The following DECR1 variants were observed in gnomAD, a reference collection of about 807,000 sequenced individuals.
DECR1 encodes 2,4-dienoyl-CoA reductase 1.
Under a neutral mutation model 38.8 loss-of-function variants are expected in DECR1, and 44 were observed. That is an observed-to-expected ratio of 1.13 (90% CI 0.89 to 1.46). DECR1 has a LOEUF of 1.46. Ranked by LOEUF, DECR1 falls within the 40% of genes most tolerant of loss-of-function variation. The pLI, the probability that DECR1 is intolerant of heterozygous loss-of-function variation, is 0.00. For synonymous variants in DECR1, 148 were observed against 135.2 expected, an observed-to-expected ratio of 1.09 and a Z score of -0.66; for missense variants, 428 against 405.5, an observed-to-expected ratio of 1.06 and a Z score of -0.48.
intron 5 of DECR1, among the ~76,000 whole-genome samples, chr8:90,030,777 T>C (rs1813475798): frequency 6.6e-6 from 1 of 152,142 alleles, no homozygotes. Context: ...AGAGATTTTG[T>C]TTTTTTCTAG....
At chr8:90,037,066 G>A in intron 6 of DECR1, 126 bp downstream of exon 6, 1 of 649,574 alleles carries the variant, frequency 1.5e-6, no homozygotes, top group Non-Finnish European at 2.7e-6. Flanking sequence ...TTCACCATGA[G>A]ACATACATTT....
At chr8:90,039,528 T>C (rs1444814798) in intron 6 of DECR1, among the ~76,000 whole-genome samples, 1 of 152,182 alleles carries the variant, frequency 6.6e-6, no homozygotes, top group Non-Finnish European at 1.5e-5. Context: ...ACCCTTGACA[T>C]GTGGGGATTA....
intron 1 of DECR1, among the ~76,000 whole-genome samples, chr8:90,006,990 G>A (rs969532300): frequency 2.0e-5 from 3 of 152,114 alleles, no homozygotes. Flanking sequence ...ATGTCAGTAG[G>A]GTCTGGGACT....
At position 90,005,521 on chromosome 8, in the gene DECR1, A is replaced by G. The variant is rs531932056; in HGVS notation, c.69+3960A>G. On this transcript the variant is annotated intron_variant, in intron 1 of 9. Coordinates refer to ENST00000220764, the MANE Select transcript of DECR1 (RefSeq NM_001359.2). ...TTTGTGAGAGGAAGCTGGGCCTATC[A>G]GCTGGATCTCCCGAAGTAGGCGGAC... is the stretch of plus-strand genomic sequence containing the variant. 191 of 440,834 alleles carry G rather than the reference A, an allele frequency of 4.3e-4. 2 individuals carry two copies. The highest frequency in any genetic ancestry group is 2.6e-3 in the African/African-American group (129 of 49,754). The allele number at this position is 440,834 out of a possible 1,614,324, so 27.3% of individuals were successfully genotyped here.
chr8:90,012,313 C>T (rs540595162), intron 1 of DECR1, among the ~76,000 whole-genome samples: 89 of 151,890 alleles, frequency 5.9e-4, no homozygotes, highest in African/African-American at 2.1e-3. Flanking sequence ...CCACCACGCC[C>T]GGCTAATTTT....
intron 5 of DECR1, chr8:90,029,348 G>A (rs575490598): frequency 3.3e-5 from 5 of 152,238 alleles, no homozygotes; most frequent in African/African-American, 1.2e-4. Context: ...TAAAGACTTT[G>A]GTGGAAATAA....
At chr8:90,012,011 G>A (rs1812895025) in intron 1 of DECR1, among the ~76,000 whole-genome samples, 1 of 152,020 alleles carries the variant, frequency 6.6e-6, no homozygotes, top group Non-Finnish European at 1.5e-5. Context: ...GTCTCCTTTT[G>A]TTTAAATATG....
At chr8:90,049,632 C>T (rs1051521123) in intron 8 of DECR1, among the ~76,000 whole-genome samples, 2 of 152,152 alleles carry the variant, frequency 1.3e-5, no homozygotes, top group African/African-American at 4.8e-5. Flanking sequence ...GTGCCATCCC[C>T]ATCAAGCTAC....
chr8:90,008,430 C>T (rs1812796698), intron 1 of DECR1, among the ~76,000 whole-genome samples: 1 of 152,198 alleles, frequency 6.6e-6, no homozygotes, highest in Non-Finnish European at 1.5e-5. Flanking sequence ...GTCTCCATTT[C>T]CTTTTTTCTG....
At chr8:90,002,788 C>T (rs781662117) in intron 1 of DECR1, among the ~76,000 whole-genome samples, 1 of 151,886 alleles carries the variant, frequency 6.6e-6, no homozygotes, top group Non-Finnish European at 1.5e-5. Flanking sequence ...GATTTTTTTT[C>T]TCTCCCTGTG....
At chr8:90,008,085 A>G (rs1003027637) in intron 1 of DECR1, among the ~76,000 whole-genome samples, 12 of 152,224 alleles carry the variant, frequency 7.9e-5, no homozygotes, top group African/African-American at 2.7e-4. Flanking sequence ...CTTCAAAACC[A>G]TATTTCCTAC....
intron 1 of DECR1, chr8:90,015,510 C>T (rs1812985922): frequency 5.3e-6 from 2 of 373,968 alleles, no homozygotes; most frequent in Non-Finnish European, 5.4e-6. Flanking sequence ...TTTAACATCA[C>T]ATTATAAACA....
intron 1 of DECR1, among the ~76,000 whole-genome samples, chr8:90,002,817 A>G (rs568239867): frequency 1.3e-5 from 2 of 152,256 alleles, no homozygotes; most frequent in Admixed American, 6.5e-5. Context: ...GTTATAGATC[A>G]TTATAAAGGA....
intron 5 of DECR1, among the ~76,000 whole-genome samples, chr8:90,033,506 C>T (rs752786264): frequency 1.3e-5 from 2 of 152,048 alleles, no homozygotes; most frequent in Admixed American, 1.3e-4. Context: ...TGTGACTAAC[C>T]CTGGGGATCT....
chr8:90,030,908 G>A (rs748032306), intron 5 of DECR1, among the ~76,000 whole-genome samples: 63 of 152,232 alleles, frequency 4.1e-4, no homozygotes, highest in Admixed American at 1.4e-3. Flanking sequence ...CGTTTGATGG[G>A]AGAGTTCAAC....
At chr8:90,014,778 T>C (rs1232820006) in intron 1 of DECR1, among the ~76,000 whole-genome samples, 2 of 152,206 alleles carry the variant, frequency 1.3e-5, no homozygotes, top group African/African-American at 4.8e-5. Context: ...AAAATTAGAA[T>C]ACATTTTTTT....
At chr8:90,048,149 T>G (rs1792230820) in intron 8 of DECR1, among the ~76,000 whole-genome samples, 1 of 151,764 alleles carries the variant, frequency 6.6e-6, no homozygotes. Context: ...GCAAACACAT[T>G]CAAAAGCTAG....
At chr8:90,024,163 T>A (rs1221114044) in intron 5 of DECR1, among the ~76,000 whole-genome samples, 2 of 152,236 alleles carry the variant, frequency 1.3e-5, no homozygotes, top group Non-Finnish European at 2.9e-5. Context: ...TTGTGAATAG[T>A]GCCACAATAA....
At chr8:90,013,019 G>A (rs189917401) in intron 1 of DECR1, among the ~76,000 whole-genome samples, 157 of 152,292 alleles carry the variant, frequency 1.0e-3, no homozygotes, top group African/African-American at 3.6e-3. Context: ...GATCAGTCAC[G>A]AGGTGGGGCT....
Sources: allele counts gnomAD v4.1 joint callset (sites outside exome capture counted in the v4.1 genomes callset), GRCh38; gene constraint gnomAD v4.1.1; transcripts MANE v1.5; gene names NCBI Gene and HGNC (gene_info 2026-07-23, HGNC 2026-07-21).